DMD: variants seen among roughly 807,000 people sequenced by gnomAD.
DMD encodes the protein mutant dystrophin.
In DMD, 63 loss-of-function variants were observed where a neutral mutation model predicts 330.1. The ratio of observed to expected loss-of-function variants is 0.19; its 90% CI spans 0.16 to 0.24. The LOEUF (loss-of-function observed/expected upper bound fraction) is 0.24. DMD is among the 10% of genes least tolerant of loss of function. DMD has a pLI of 1.00. For synonymous variants in DMD, 1,223 were observed against 959.8 expected, an observed-to-expected ratio of 1.27 and a Z score of -5.07; for missense variants, 3,344 against 2,684.1, an observed-to-expected ratio of 1.25 and a Z score of -5.43.
intron 7 of DMD, among the ~76,000 whole-genome samples, chrX:32,759,819 T>C (rs1356807499): frequency 1.3e-5 from 1 of 78,990 alleles, no homozygotes; most frequent in Non-Finnish European, 2.3e-5. Context: ...GGATCTTATG[T>C]TTAAGGCAGA....
At chrX:33,153,149 G>A (rs2048355203) in intron 1 of DMD, among the ~76,000 whole-genome samples, 1 of 112,814 alleles carries the variant, frequency 8.9e-6, no homozygotes, top group Non-Finnish European at 1.9e-5. Flanking sequence ...GTTGGCTCAC[G>A]CCTGTAATCC....
chrX:31,173,532 C>G lies in DMD; in HGVS notation c.10328+7G>C, dbSNP rs746337275. On this transcript the variant is annotated splice_region_variant and intron_variant, in intron 72 of 78. Transcript: ENST00000357033. ...AATATTTGCCTGGCATACAACTAGT[C>G]TCATACCTGCTAGCATAATGTTCAA... The G allele has an allele frequency of 8.3e-7, 1 of 1,206,705 alleles. No individual in the cohort carries two copies. The highest frequency in any genetic ancestry group is 1.7e-5 in the African/African-American group (1 of 57,223).
chrX:31,978,072 A>C (rs1045734437), intron 44 of DMD, among the ~76,000 whole-genome samples: 1 of 111,666 alleles, frequency 9.0e-6, no homozygotes, highest in Non-Finnish European at 1.9e-5. Context: ...ATCAAATGTA[A>C]ATCTTTTCTA....
chrX:32,469,513 A>T (rs2040398597), intron 22 of DMD, among the ~76,000 whole-genome samples: 1 of 110,844 alleles, frequency 9.0e-6, no homozygotes, highest in Non-Finnish European at 1.9e-5. Flanking sequence ...TCAACCCAAA[A>T]TTTGTCAAAT....
At chrX:32,543,329 A>T (rs1394130623) in intron 17 of DMD, among the ~76,000 whole-genome samples, 1 of 109,446 alleles carries the variant, frequency 9.1e-6, no homozygotes, top group African/African-American at 3.3e-5. Context: ...GTCAGAACAC[A>T]CTTTTTTTTT....
chrX:31,805,532 T>C (rs966373712), intron 50 of DMD, among the ~76,000 whole-genome samples: 10 of 112,072 alleles, frequency 8.9e-5, no homozygotes, highest in Admixed American at 6.6e-4. Flanking sequence ...AAGACCTAGT[T>C]ATCCCCTTTC....
intron 49 of DMD, among the ~76,000 whole-genome samples, chrX:31,833,564 T>A (rs112312783): frequency 2.7e-5 from 3 of 111,721 alleles, no homozygotes; most frequent in Admixed American, 9.6e-5. Flanking sequence ...AATAAAGAAG[T>A]TGGTTAGTCA....
chrX:32,756,260 GAAGA>G (rs1470222440), intron 7 of DMD: 5 of 111,901 alleles, frequency 4.5e-5, no homozygotes, highest in Non-Finnish European at 5.7e-5. Context: ...ACTTTTCGTA[GAAGA>G]AATAAAGCTG....
At chrX:32,652,033 TAAG>T (rs1441376688) in intron 9 of DMD, among the ~76,000 whole-genome samples, 1 of 111,589 alleles carries the variant, frequency 9.0e-6, no homozygotes, top group African/African-American at 3.3e-5. Context: ...ATGCTCCAGT[TAAG>T]AAGACAAAAA....
chrX:31,255,884 T>C (rs1220027214), intron 63 of DMD, among the ~76,000 whole-genome samples: 1 of 107,587 alleles, frequency 9.3e-6, no homozygotes, highest in Non-Finnish European at 1.9e-5. Flanking sequence ...CAAGTGATTC[T>C]TCAGCCTCGG....
chrX:32,709,278 A>G (rs2064968322), intron 7 of DMD, among the ~76,000 whole-genome samples: 1 of 112,033 alleles, frequency 8.9e-6, no homozygotes, highest in African/African-American at 3.2e-5. Context: ...GGAGAAAGGT[A>G]CAAGTGAAAA....
At chrX:32,803,093 G>C (rs1042755003) in intron 7 of DMD, among the ~76,000 whole-genome samples, 5 of 111,580 alleles carry the variant, frequency 4.5e-5, no homozygotes, top group African/African-American at 1.6e-4. Flanking sequence ...AATCTGTCTG[G>C]TCCTGGGCTT....
chrX:32,422,615 T>A (rs186128708), intron 29 of DMD, among the ~76,000 whole-genome samples: 27 of 111,794 alleles, frequency 2.4e-4, no homozygotes, highest in Non-Finnish European at 4.5e-4. Context: ...TCCAATTTTC[T>A]TTGATACTTT....
chrX:32,477,983 T>C (rs2041414966), intron 21 of DMD, among the ~76,000 whole-genome samples: 1 of 111,900 alleles, frequency 8.9e-6, no homozygotes, highest in Non-Finnish European at 1.9e-5. Flanking sequence ...AAATTTTAAT[T>C]CTAAGATGAA....
intron 16 of DMD, among the ~76,000 whole-genome samples, chrX:32,551,110 C>T (rs1366310543): frequency 9.0e-6 from 1 of 110,670 alleles, no homozygotes; most frequent in Non-Finnish European, 1.9e-5. Context: ...AATTGAGGAG[C>T]GGCTCCTTCC....
In DMD at chrX:32,996,064, G is replaced by C. The variant is rs1055520871; in HGVS notation, c.93+24075C>G. Reference sequence around the variant, plus strand: ...TTTCTTTCCAAGTAATGAAAACGTAGTACTTGATCCGCTGTAAAATTACAG... The same window carrying C: ...TTTCTTTCCAAGTAATGAAAACGTACTACTTGATCCGCTGTAAAATTACAG... On this transcript the variant is annotated intron_variant, in intron 2 of 78. Transcript: ENST00000357033. Among the ~76,000 whole-genome samples the C allele has an allele frequency of 2.7e-5, 3 of 111,992 alleles. No individual in the cohort carries two copies. The Admixed American group carries it at 2.8e-4, about 11-fold the overall frequency.
chrX:31,969,857 A>G (rs1266199606), intron 44 of DMD, among the ~76,000 whole-genome samples: 1 of 111,194 alleles, frequency 9.0e-6, no homozygotes, highest in Non-Finnish European at 1.9e-5. Flanking sequence ...TCCTGGCCAT[A>G]CTCTCTTGAA....
chrX:32,292,110 A>G (rs2097473196), intron 42 of DMD, among the ~76,000 whole-genome samples: 1 of 109,664 alleles, frequency 9.1e-6, no homozygotes, highest in Admixed American at 9.9e-5. Flanking sequence ...CTGATACATC[A>G]GGTGCTCTAT....
At chrX:32,403,782 C>A (rs1002999698) in intron 30 of DMD, among the ~76,000 whole-genome samples, 1 of 112,154 alleles carries the variant, frequency 8.9e-6, no homozygotes, top group Non-Finnish European at 1.9e-5. Context: ...AAAAAGTCTA[C>A]ATCTATGGCT....
Sources: gnomAD v4.1 joint callset for allele counts (sites outside exome capture counted in the v4.1 genomes callset) on GRCh38, gnomAD v4.1.1 for gene constraint, MANE v1.5 for transcripts, NCBI Gene and HGNC (gene_info 2026-07-23, HGNC 2026-07-21) for gene names.